PKP4: variants seen among roughly 807,000 people sequenced by gnomAD.
PKP4 encodes the protein plakophilin-4.
A neutral mutation model predicts 145.1 loss-of-function variants in PKP4; 90 were observed. That is an observed-to-expected ratio of 0.62 (90% CI 0.52 to 0.74). The LOEUF (loss-of-function observed/expected upper bound fraction) is 0.74, where lower values mean the gene tolerates loss of function less well. Among genes scored for constraint, PKP4 ranks in the 30% least tolerant of loss-of-function variants. PKP4 has a pLI of 0.00. For synonymous variants in PKP4, 563 were observed against 577.2 expected (o/e 0.98, Z 0.35); for missense variants, 1,340 against 1,482.7 (o/e 0.90, Z 1.58).
intron 1 of PKP4, among the ~76,000 whole-genome samples, chr2:158,521,294 A>C (rs1316607988): frequency 6.6e-6 from 1 of 152,172 alleles, no homozygotes; most frequent in Non-Finnish European, 1.5e-5. Context: ...TTGCAGTATT[A>C]ATGTTCATTT....
chr2:158,496,740 C>G (rs1328320754), intron 1 of PKP4, among the ~76,000 whole-genome samples: 1 of 150,142 alleles, frequency 6.7e-6, no homozygotes. Context: ...CGCTCTCACT[C>G]TCTCTCGCCT....
At chr2:158,648,806 C>T (rs2055066034) in intron 11 of PKP4, among the ~76,000 whole-genome samples, 1 of 152,172 alleles carries the variant, frequency 6.6e-6, no homozygotes, top group East Asian at 1.9e-4. Flanking sequence ...CAAGACCAGC[C>T]AGGCCAACAT....
intron 3 of PKP4, among the ~76,000 whole-genome samples, chr2:158,579,932 G>A (rs377507087): frequency 1.4e-4 from 22 of 152,174 alleles, no homozygotes; most frequent in African/African-American, 5.1e-4. Flanking sequence ...TTGTCAGTGT[G>A]TGCATGTGGA....
At chr2:158,655,598 C>A (rs1236795259) in intron 11 of PKP4, among the ~76,000 whole-genome samples, 1 of 152,182 alleles carries the variant, frequency 6.6e-6, no homozygotes, top group Non-Finnish European at 1.5e-5. Flanking sequence ...ATAAACCTTG[C>A]CTTGCAGCTA....
rs372437845 is a variant in PKP4, at chr2:158,667,891, G to A, written c.2728+1328G>A. On this transcript the variant is annotated intron_variant, in intron 16 of 21. Coordinates refer to ENST00000389759, the MANE Select transcript of PKP4 (RefSeq NM_003628.6). ...TATTCTTTAAAGTTATTTTTCTTAC[G>A]TCTGTATTGTTTGGATTTCTTATAA... 3.0e-4 allele frequency among the ~76,000 whole-genome samples: 45 copies of A among 152,190 alleles called. No homozygotes were observed. In the South Asian group the frequency reaches 7.7e-3, roughly 26 times the overall value.
intron 1 of PKP4, among the ~76,000 whole-genome samples, chr2:158,522,645 GAACAGCTCCGGTC>G (rs2042488623): frequency 6.6e-6 from 1 of 152,210 alleles, no homozygotes; most frequent in South Asian, 2.1e-4. Flanking sequence ...GGCCGAATAG[GAACAGCTCCGGTC>G]TACAGCTCCC....
chr2:158,569,760 A>C (rs1390554005), intron 2 of PKP4, among the ~76,000 whole-genome samples: 1 of 152,188 alleles, frequency 6.6e-6, no homozygotes, highest in Non-Finnish European at 1.5e-5. Flanking sequence ...TCAATAAATC[A>C]AAGAAGTGCT....
At chr2:158,624,775 G>A in intron 6 of PKP4, 103 bp from the exon 7 acceptor site, 1 of 822,160 alleles carries the variant, frequency 1.2e-6, no homozygotes, top group Non-Finnish European at 1.8e-6. Context: ...GCCTAAAATA[G>A]TGGATTCACA....
chr2:158,498,733 G>A (rs1696113027), intron 1 of PKP4, among the ~76,000 whole-genome samples: 3 of 151,800 alleles, frequency 2.0e-5, no homozygotes, highest in Admixed American at 6.6e-5. Flanking sequence ...TGACTCCTCT[G>A]TGCTCTGCTC....
intron 2 of PKP4, chr2:158,533,549 G>A (rs2043768838): frequency 8.3e-6 from 5 of 603,660 alleles, no homozygotes; most frequent in South Asian, 4.6e-5. Flanking sequence ...GGACAATCTC[G>A]ATGGTGATCG....
chr2:158,556,504 G>A (rs2046101419), intron 2 of PKP4, among the ~76,000 whole-genome samples: 1 of 147,802 alleles, frequency 6.8e-6, no homozygotes, highest in African/African-American at 2.5e-5. Context: ...GATAAATGAA[G>A]CATTGTGGCT....
At chr2:158,539,308 G>A (rs938155615) in intron 2 of PKP4, among the ~76,000 whole-genome samples, 3 of 152,120 alleles carry the variant, frequency 2.0e-5, no homozygotes, top group African/African-American at 7.2e-5. Context: ...CACCCTTCCT[G>A]TATGGCAAAA....
intron 2 of PKP4, among the ~76,000 whole-genome samples, chr2:158,562,931 T>C (rs1296729121): frequency 1.3e-5 from 2 of 152,192 alleles, no homozygotes; most frequent in Non-Finnish European, 2.9e-5. Flanking sequence ...TATCAGTTGC[T>C]CTTTCCTTCC....
Position 158,575,395 on chromosome 2 carries a change from T to G in PKP4, c.133-1876T>G, listed in dbSNP as rs1184334124. 2.1e-4 allele frequency among the ~76,000 whole-genome samples: 32 copies of G among 152,304 alleles called. 1 individual carries two copies. Among genetic ancestry groups the G allele is most frequent in the Non-Finnish European group, 2.9e-5 (2 of 68,028 alleles). On this transcript the variant is annotated intron_variant, in intron 2 of 21. Transcript: ENST00000389759. ...GAAGGAATTATGAGAAATTCCAACT[T>G]CTGCCTTCAAGCAGGAACTTTCCCA...
At chr2:158,540,269 T>C (rs371352902) in intron 2 of PKP4, among the ~76,000 whole-genome samples, 18 of 152,218 alleles carry the variant, frequency 1.2e-4, no homozygotes, top group African/African-American at 4.3e-4. Context: ...AAGACTGTTC[T>C]ATGAACTTGA....
At chr2:158,480,004 A>G (rs1228583000) in intron 1 of PKP4, among the ~76,000 whole-genome samples, 2 of 152,124 alleles carry the variant, frequency 1.3e-5, no homozygotes, top group Non-Finnish European at 2.9e-5. Context: ...CAGAAAGGGG[A>G]GATTCATCTT....
At chr2:158,602,091 A>T (rs1473345064) in intron 3 of PKP4, among the ~76,000 whole-genome samples, 1 of 152,222 alleles carries the variant, frequency 6.6e-6, no homozygotes, top group Non-Finnish European at 1.5e-5. Context: ...GTACTCAGGG[A>T]TATAACTGCT....
intron 4 of PKP4, among the ~76,000 whole-genome samples, chr2:158,618,427 G>A (rs2051855269): frequency 6.6e-6 from 1 of 151,898 alleles, no homozygotes; most frequent in African/African-American, 2.4e-5. Flanking sequence ...TGTTTTCTAG[G>A]GCGTTGCATT....
intron 1 of PKP4, among the ~76,000 whole-genome samples, chr2:158,523,332 C>G (rs1354019547): frequency 1.8e-4 from 16 of 89,732 alleles, no homozygotes; most frequent in African/African-American, 7.0e-4. Flanking sequence ...CCCTGACCCC[C>G]GAGCAGCCTA....
Sources: allele counts gnomAD v4.1 joint callset (sites outside exome capture counted in the v4.1 genomes callset), GRCh38; gene constraint gnomAD v4.1.1; transcripts MANE v1.5; gene names NCBI Gene and HGNC (gene_info 2026-07-23, HGNC 2026-07-21).